Variants in RABGEF1 observed in about 807,000 individuals in gnomAD.
RABGEF1 encodes the protein rab5 GDP/GTP exchange factor.
RABGEF1 carries 26 observed loss-of-function variants against 57.3 expected under a neutral mutation model. The ratio of observed to expected loss-of-function variants is 0.45; its 90% confidence interval spans 0.33 to 0.63. RABGEF1 has a LOEUF of 0.63. Among genes scored for constraint, RABGEF1 ranks in the 20% least tolerant of loss-of-function variants. RABGEF1 has a pLI of 0.02. For synonymous variants in RABGEF1, 185 were observed against 210.7 expected, an observed-to-expected ratio of 0.88 and a Z score of 1.06; for missense variants, 464 against 607.6, an observed-to-expected ratio of 0.76 and a Z score of 2.48.
the RABGEF1 span, chr7:66,654,675 G>A: frequency 6.6e-6 from 1 of 152,616 alleles, no homozygotes; most frequent in African/African-American, 2.4e-5. Context: ...CTCAGCTACG[G>A]GAGCGGGGCG....
intron 1 of RABGEF1, among the ~76,000 whole-genome samples, chr7:66,744,369 CAAAAA>C (rs947458817): frequency 8.3e-6 from 1 of 120,442 alleles, no homozygotes; most frequent in Non-Finnish European, 1.8e-5. Context: ...TGCATCTCTA[CAAAAA>C]AAAAAAAAAG....
upstream of RABGEF1, among the ~76,000 whole-genome samples, chr7:66,736,650 A>G (rs1439537853): frequency 6.6e-6 from 1 of 152,054 alleles, no homozygotes; most frequent in East Asian, 1.9e-4. Context: ...ACTTGAGGCC[A>G]CGAGTTTGAG....
At chr7:66,792,796 C>G (rs1813033451) in intron 4 of RABGEF1, among the ~76,000 whole-genome samples, 1 of 152,066 alleles carries the variant, frequency 6.6e-6, no homozygotes, top group African/African-American at 2.4e-5. Context: ...GAGCACTAAC[C>G]CTGTGCCTGG....
the RABGEF1 span, among the ~76,000 whole-genome samples, chr7:66,664,860 G>T: frequency 6.6e-6 from 1 of 152,224 alleles, no homozygotes; most frequent in Non-Finnish European, 1.5e-5. Flanking sequence ...TCCCACGCCT[G>T]TCTACTGCAC....
chr7:66,719,821 T>C (rs576818355), intron 2 of RABGEF1, among the ~76,000 whole-genome samples: 1 of 152,336 alleles, frequency 6.6e-6, no homozygotes, highest in Non-Finnish European at 1.5e-5. Context: ...GTTTTCCTGT[T>C]ACAGTAGTAG....
At chr7:66,683,523 C>T (rs891660717) in intron 1 of RABGEF1, among the ~76,000 whole-genome samples, 2 of 152,088 alleles carry the variant, frequency 1.3e-5, no homozygotes, top group Non-Finnish European at 2.9e-5. Context: ...ACTTTCAGAA[C>T]AGTGTGGTAA....
In RABGEF1 at chr7:66,749,710, A is replaced by G. The variant is rs374315415; in HGVS notation, c.-18+8918A>G. 1.4e-4 allele frequency among the ~76,000 whole-genome samples: 21 copies of G among 152,210 alleles called. No homozygotes were observed. The East Asian group carries it at 3.5e-3, about 25-fold the overall frequency. On this transcript the variant is annotated intron_variant, in intron 1 of 8. Coordinates refer to ENST00000284957, the MANE Select transcript of RABGEF1 (RefSeq NM_014504.3). ...AAACAGGCCAGGCACGGTGGCTCAC[A>G]CCTGTAATCTCAGCACTTTGGGAGG...
upstream of RABGEF1, among the ~76,000 whole-genome samples, chr7:66,680,171 C>T (rs945474540): frequency 6.6e-6 from 1 of 152,162 alleles, no homozygotes; most frequent in African/African-American, 2.4e-5. Flanking sequence ...GCAATTATCA[C>T]CATGTAATGT....
At chr7:66,710,547 T>C (rs1021363450) in intron 1 of RABGEF1, among the ~76,000 whole-genome samples, 12 of 152,362 alleles carry the variant, frequency 7.9e-5, no homozygotes, top group South Asian at 6.2e-4. Context: ...TCAGCACTTA[T>C]ATGATCAGCC....
chr7:66,733,274 G>C (rs911777142), intron 2 of RABGEF1, among the ~76,000 whole-genome samples: 17 of 152,280 alleles, frequency 1.1e-4, no homozygotes, highest in African/African-American at 4.1e-4. Context: ...CTTTCTCCCA[G>C]CCTGGGGGAG....
At chr7:66,766,495 A>T (rs1370881914) in intron 1 of RABGEF1, among the ~76,000 whole-genome samples, 1 of 151,894 alleles carries the variant, frequency 6.6e-6, no homozygotes, top group Non-Finnish European at 1.5e-5. Flanking sequence ...CTTGCTTTCT[A>T]CCTCAGCCTT....
chr7:66,661,824 A>G, the RABGEF1 span, among the ~76,000 whole-genome samples: 1 of 152,216 alleles, frequency 6.6e-6, no homozygotes, highest in South Asian at 2.1e-4. Context: ...CATGAAAACA[A>G]CTGACCAATA....
At chr7:66,686,229 C>T (rs573401093) in intron 1 of RABGEF1, among the ~76,000 whole-genome samples, 10 of 150,620 alleles carry the variant, frequency 6.6e-5, no homozygotes, top group East Asian at 2.0e-4. Flanking sequence ...TGCAATGAGC[C>T]GAGATTGTGC....
chr7:66,695,610 G>T (rs766337720), intron 1 of RABGEF1, among the ~76,000 whole-genome samples: 1 of 152,110 alleles, frequency 6.6e-6, no homozygotes, highest in Non-Finnish European at 1.5e-5. Flanking sequence ...GTGAGAAAGT[G>T]AGGGATTAGA....
chr7:66,675,845 A>G, the RABGEF1 span, among the ~76,000 whole-genome samples: 2 of 152,174 alleles, frequency 1.3e-5, no homozygotes, highest in Non-Finnish European at 2.9e-5. Context: ...AAAAAGTATA[A>G]AATACTTTAG....
chr7:66,660,591 C>G, the RABGEF1 span, among the ~76,000 whole-genome samples: 1 of 151,342 alleles, frequency 6.6e-6, no homozygotes, highest in Admixed American at 6.6e-5. Flanking sequence ...GGAGTGCACT[C>G]CATTGCACTC....
chr7:66,721,460 G>T (rs930195458), intron 2 of RABGEF1, among the ~76,000 whole-genome samples: 2 of 152,064 alleles, frequency 1.3e-5, no homozygotes, highest in African/African-American at 2.4e-5. Context: ...TTCACTTCTA[G>T]GTGCTGCCTG....
At chr7:66,758,848 G>A (rs1803470741) in intron 1 of RABGEF1, among the ~76,000 whole-genome samples, 1 of 152,128 alleles carries the variant, frequency 6.6e-6, no homozygotes, top group Non-Finnish European at 1.5e-5. Flanking sequence ...CATGATAGGT[G>A]TTATTTTTAT....
chr7:66,788,701 G>A (rs1202145800), intron 4 of RABGEF1, among the ~76,000 whole-genome samples: 2 of 152,092 alleles, frequency 1.3e-5, no homozygotes, highest in African/African-American at 2.4e-5. Context: ...ATACTGAGCT[G>A]GGCACAGTGG....
Sources: gnomAD v4.1 joint callset for allele counts (sites outside exome capture counted in the v4.1 genomes callset) on GRCh38, gnomAD v4.1.1 for gene constraint, MANE v1.5 for transcripts, NCBI Gene and HGNC (gene_info 2026-07-23, HGNC 2026-07-21) for gene names.